The following AK5 variants were observed in gnomAD, a reference collection of about 807,000 sequenced individuals.
The protein encoded by AK5 is adenylate kinase 5.
Under a neutral mutation model 69.5 loss-of-function variants are expected in AK5, and 27 were observed. That is an observed-to-expected ratio of 0.39 (90% CI 0.29 to 0.54). The LOEUF (loss-of-function observed/expected upper bound fraction) is 0.54, where lower values mean the gene tolerates loss of function less well. Among genes scored for constraint, AK5 ranks in the 20% least tolerant of loss-of-function variants. The probability of loss-of-function intolerance (pLI) is 0.71; values close to 1 mark genes in which losing one functional copy is unlikely to be tolerated. For synonymous variants in AK5, 260 were observed against 244.4 expected, an observed-to-expected ratio of 1.06 and a Z score of -0.60; for missense variants, 531 against 700.4, an observed-to-expected ratio of 0.76 and a Z score of 2.73.
chr1:77,377,825 T>G (rs1647347334), intron 6 of AK5, among the ~76,000 whole-genome samples: 1 of 152,200 alleles, frequency 6.6e-6, no homozygotes, highest in Non-Finnish European at 1.5e-5. Context: ...TAATTTTTCT[T>G]GTTATCCTGT....
intron 5 of AK5, among the ~76,000 whole-genome samples, chr1:77,335,813 G>A (rs144908479): frequency 1.2e-4 from 19 of 152,094 alleles, no homozygotes; most frequent in African/African-American, 4.6e-4. Flanking sequence ...ATTTATCCAG[G>A]CTTAAAAACA....
intron 6 of AK5, among the ~76,000 whole-genome samples, chr1:77,358,502 A>G (rs1261133078): frequency 6.6e-6 from 1 of 152,204 alleles, no homozygotes; most frequent in Non-Finnish European, 1.5e-5. Context: ...AACCCTCTGC[A>G]GATCACTCTG....
intron 5 of AK5, among the ~76,000 whole-genome samples, chr1:77,302,369 G>C (rs1659389984): frequency 6.6e-6 from 1 of 152,154 alleles, no homozygotes; most frequent in Admixed American, 6.5e-5. Flanking sequence ...TCCAGAGATA[G>C]TTATTAAGCT....
At chr1:77,315,711 C>G (rs906889897) in intron 5 of AK5, among the ~76,000 whole-genome samples, 1 of 152,146 alleles carries the variant, frequency 6.6e-6, no homozygotes, top group Non-Finnish European at 1.5e-5. Context: ...GTGACTGATA[C>G]AGTGGGCGCC....
chr1:77,511,469 G>A (rs1196451303), intron 10 of AK5, among the ~76,000 whole-genome samples: 1 of 152,192 alleles, frequency 6.6e-6, no homozygotes, highest in Non-Finnish European at 1.5e-5. Flanking sequence ...GAGGAAATGA[G>A]ACAGTCTTCA....
intron 6 of AK5, among the ~76,000 whole-genome samples, chr1:77,363,372 C>T (rs1036708160): frequency 5.3e-5 from 8 of 152,234 alleles, no homozygotes; most frequent in Non-Finnish European, 1.2e-4. Context: ...CATCTCTCTA[C>T]TGGATTCTTG....
chr1:77,429,041 A>G (rs1399057749), intron 8 of AK5, among the ~76,000 whole-genome samples: 4 of 152,164 alleles, frequency 2.6e-5, no homozygotes, highest in African/African-American at 9.7e-5. Context: ...GCTATTGTGA[A>G]TAGTGCCACA....
At chr1:77,487,852 G>GT (rs1655697812) in intron 10 of AK5, among the ~76,000 whole-genome samples, 1 of 152,152 alleles carries the variant, frequency 6.6e-6, no homozygotes, top group East Asian at 1.9e-4. Context: ...ATTGACTGTT[G>GT]GACCCCTGCT....
rs1206614543 is a variant in AK5, at chr1:77,521,859, G to A, written c.1344G>A (p.Met448Ile). ...GIVLELLKEAMVASLGDTRGF... is the reference protein window; with the variant it reads ...GIVLELLKEAIVASLGDTRGF... ...TTTTGGAGCTCCTGAAGGAGGCCAT[G>A]GTGGCCAGCCTCGGGGACACCAGGG... is the stretch of plus-strand genomic sequence containing the variant. The change falls in exon 12 of 14, where the codon ATG becomes ATA. Residue 448 changes from methionine (M) to isoleucine (I), a missense_variant. Physicochemically the swap from Met to Ile is conservative, Grantham distance 10. Coordinates refer to ENST00000354567, the MANE Select transcript of AK5 (RefSeq NM_174858.3). The A allele has an allele frequency of 6.2e-6, 10 of 1,613,800 alleles. No individual in the cohort carries two copies. Among genetic ancestry groups the A allele is most frequent in the African/African-American group, 1.3e-5 (1 of 74,900 alleles).
chr1:77,509,509 G>A (rs555575945), intron 10 of AK5, among the ~76,000 whole-genome samples: 2 of 152,078 alleles, frequency 1.3e-5, no homozygotes, highest in African/African-American at 2.4e-5. Context: ...CTTAGGGCAC[G>A]GTCAGTTCAT....
chr1:77,470,268 G>A (rs1654380844), intron 8 of AK5, among the ~76,000 whole-genome samples: 1 of 152,204 alleles, frequency 6.6e-6, no homozygotes, highest in Non-Finnish European at 1.5e-5. Flanking sequence ...ACTTAGTGAA[G>A]CCAAGGCGGG....
chr1:77,373,146 T>C (rs538346386), intron 6 of AK5, among the ~76,000 whole-genome samples: 17 of 152,344 alleles, frequency 1.1e-4, no homozygotes, highest in African/African-American at 3.4e-4. Context: ...TAACCGTTTA[T>C]ACTCCCACCA....
intron 7 of AK5, among the ~76,000 whole-genome samples, chr1:77,415,457 A>G (rs1416329084): frequency 6.6e-6 from 1 of 152,202 alleles, no homozygotes; most frequent in Non-Finnish European, 1.5e-5. Context: ...TTTGAATCCA[A>G]TAGCTATCAC....
intron 8 of AK5, among the ~76,000 whole-genome samples, chr1:77,448,841 C>G (rs1465437105): frequency 1.3e-5 from 2 of 152,170 alleles, no homozygotes; most frequent in African/African-American, 4.8e-5. Context: ...TCCGAGCTTC[C>G]AGGTGCCACC....
chr1:77,312,905 G>A (rs1000173208), intron 5 of AK5, among the ~76,000 whole-genome samples: 1 of 151,894 alleles, frequency 6.6e-6, no homozygotes, highest in Admixed American at 6.6e-5. Flanking sequence ...GAGTGGTTTC[G>A]TGTCCCCAGC....
intron 6 of AK5, among the ~76,000 whole-genome samples, chr1:77,342,947 T>G (rs917945714): frequency 6.6e-6 from 1 of 151,976 alleles, no homozygotes; most frequent in Non-Finnish European, 1.5e-5. Context: ...CAGAGCTAAA[T>G]AAACAAAGGG....
chr1:77,418,399 T>C (rs1650570466), intron 8 of AK5, among the ~76,000 whole-genome samples: 1 of 152,142 alleles, frequency 6.6e-6, no homozygotes, highest in Non-Finnish European at 1.5e-5. Flanking sequence ...CATGTGGGAA[T>C]TATGGGAGCT....
intron 2 of AK5, 124 bp downstream of exon 2, chr1:77,287,251 A>T (rs1390596000): frequency 1.6e-5 from 10 of 625,864 alleles, no homozygotes; most frequent in Admixed American, 1.3e-4. Flanking sequence ...TCATTGGATC[A>T]CGATTAATTT....
intron 8 of AK5, among the ~76,000 whole-genome samples, chr1:77,478,627 A>T (rs771903563): frequency 1.3e-5 from 2 of 152,144 alleles, no homozygotes; most frequent in Non-Finnish European, 2.9e-5. Flanking sequence ...AACTAACACA[A>T]TCTACTGTGG....
Sources: allele counts gnomAD v4.1 joint callset (sites outside exome capture counted in the v4.1 genomes callset), GRCh38; gene constraint gnomAD v4.1.1; transcripts MANE v1.5; gene names NCBI Gene and HGNC (gene_info 2026-07-23, HGNC 2026-07-21).